The following SLC1A2 variants were observed in gnomAD, a reference collection of about 807,000 sequenced individuals.
SLC1A2 encodes excitatory amino acid transporter 2.
A neutral mutation model predicts 48.8 loss-of-function variants in SLC1A2; 15 were observed. That is an observed-to-expected ratio of 0.31 (90% CI 0.21 to 0.47). The LOEUF is 0.47. Ranked by LOEUF, SLC1A2 falls within the 20% of genes least tolerant of loss-of-function variation. SLC1A2 has a pLI of 0.99. For missense variants in SLC1A2, 502 were observed against 730.5 expected, an observed-to-expected ratio of 0.69 and a Z score of 3.61; for synonymous variants, 279 against 272.6, an observed-to-expected ratio of 1.02 and a Z score of -0.23.
In SLC1A2 at chr11:35,260,813, T is replaced by C; in HGVS notation, c.*81A>G. On this transcript the variant is annotated 3_prime_UTR_variant, in exon 11 of 11. Transcript: ENST00000278379. Reference sequence around the variant, plus strand: ...AGAAATATACGCATTTTTTTCCTTTTTAAAGAAAGCTTGTTTATATCATCA... The same window carrying C: ...AGAAATATACGCATTTTTTTCCTTTCTAAAGAAAGCTTGTTTATATCATCA... 1.9e-6 allele frequency: 2 copies of C among 1,070,602 alleles called. No individual in the cohort carries two copies. The highest frequency in any genetic ancestry group is 1.4e-6 in the Non-Finnish European group (1 of 691,876). 66.3% of individuals were successfully genotyped at this position (1,070,602 alleles called of 1,614,324 possible).
intron 1 of SLC1A2, among the ~76,000 whole-genome samples, chr11:35,328,175 T>A (rs1187970071): frequency 3.3e-5 from 5 of 152,076 alleles, no homozygotes; most frequent in African/African-American, 1.2e-4. Flanking sequence ...AACTGACTCC[T>A]CCCTTCAGGC....
At chr11:35,375,749 G>T (rs1854206029) in intron 1 of SLC1A2, among the ~76,000 whole-genome samples, 1 of 152,174 alleles carries the variant, frequency 6.6e-6, no homozygotes, top group African/African-American at 2.4e-5. Flanking sequence ...GGATGAGGAG[G>T]GCTACAGAGG....
chr11:35,302,315 A>G (rs911802870), intron 5 of SLC1A2, among the ~76,000 whole-genome samples: 1 of 152,182 alleles, frequency 6.6e-6, no homozygotes, highest in African/African-American at 2.4e-5. Flanking sequence ...AATTATTTTC[A>G]TGATTGAAAT....
chr11:35,358,217 T>C (rs1853552945), intron 1 of SLC1A2, among the ~76,000 whole-genome samples: 1 of 152,182 alleles, frequency 6.6e-6, no homozygotes, highest in East Asian at 1.9e-4. Context: ...ATAGTATTGA[T>C]GTATGTTATG....
At chr11:35,367,766 C>A (rs185331936) in intron 1 of SLC1A2, among the ~76,000 whole-genome samples, 1 of 152,160 alleles carries the variant, frequency 6.6e-6, no homozygotes, top group Non-Finnish European at 1.5e-5. Context: ...CCTATGTGAA[C>A]GCCACCTCTA....
intron 1 of SLC1A2, among the ~76,000 whole-genome samples, chr11:35,375,236 G>A (rs1434779612): frequency 6.6e-6 from 1 of 152,152 alleles, no homozygotes; most frequent in Non-Finnish European, 1.5e-5. Context: ...TTATTACTAC[G>A]ATCATCCTCT....
rs981888764 is a variant in SLC1A2 at position 35,308,123 on chromosome 11, C to T, written c.562-1881G>A. Among the ~76,000 whole-genome samples, 9 of 152,184 alleles carry T rather than the reference C, an allele frequency of 5.9e-5. No homozygotes were observed. In the East Asian group the frequency reaches 1.5e-3, roughly 26 times the overall value. On this transcript the variant is annotated intron_variant, in intron 4 of 10. Coordinates refer to ENST00000278379, the MANE Select transcript of SLC1A2 (RefSeq NM_004171.4). ...CTACGTTTGGTTTAAAAGAGAAATA[C>T]TCATGGATCTAAATGAATGGTGGCT...
At chr11:35,342,722 G>C (rs1010095680) in intron 1 of SLC1A2, among the ~76,000 whole-genome samples, 1 of 151,956 alleles carries the variant, frequency 6.6e-6, no homozygotes, top group Admixed American at 6.6e-5. Flanking sequence ...GGAGGTTGAG[G>C]CTGCAGTGAC....
intron 9 of SLC1A2, among the ~76,000 whole-genome samples, chr11:35,270,333 A>C (rs897992456): frequency 3.9e-5 from 6 of 152,166 alleles, no homozygotes; most frequent in Non-Finnish European, 8.8e-5. Flanking sequence ...GGAATAAGAG[A>C]AATACTAGAC....
chr11:35,333,936 C>G (rs138231467), intron 1 of SLC1A2, among the ~76,000 whole-genome samples: 148 of 151,538 alleles, frequency 9.8e-4, no homozygotes, highest in African/African-American at 3.5e-3. Context: ...GCCTTGGCCT[C>G]CAAAAGTGCT....
At chr11:35,282,050 A>G (rs1373303752) in intron 8 of SLC1A2, 4 of 151,638 alleles carry the variant, frequency 2.6e-5, no homozygotes, top group Non-Finnish European at 5.9e-5. Context: ...TTATTGCTGA[A>G]TATACCTAAT....
At chr11:35,409,411 T>C (rs910105764) in intron 1 of SLC1A2, among the ~76,000 whole-genome samples, 2 of 152,206 alleles carry the variant, frequency 1.3e-5, no homozygotes, top group African/African-American at 4.8e-5. Flanking sequence ...TTGTTCCCAA[T>C]ATATTTATTT....
intron 1 of SLC1A2, among the ~76,000 whole-genome samples, chr11:35,390,382 C>T (rs372666844): frequency 5.9e-5 from 9 of 152,278 alleles, no homozygotes; most frequent in African/African-American, 2.2e-4. Flanking sequence ...TATTCTCCTC[C>T]ATTTCATTTT....
At chr11:35,366,312 A>T (rs868571911) in intron 1 of SLC1A2, among the ~76,000 whole-genome samples, 16 of 151,936 alleles carry the variant, frequency 1.1e-4, no homozygotes, top group African/African-American at 3.6e-4. Flanking sequence ...CCTCTAATGC[A>T]CTCCAGCCAA....
chr11:35,275,060 A>C (rs558159015), intron 9 of SLC1A2, among the ~76,000 whole-genome samples: 23 of 152,338 alleles, frequency 1.5e-4, no homozygotes, highest in South Asian at 6.2e-4. Context: ...CTTGCTAGAA[A>C]TGTCAATTCT....
intron 4 of SLC1A2, among the ~76,000 whole-genome samples, chr11:35,308,060 A>C (rs1851567349): frequency 6.6e-6 from 1 of 152,220 alleles, no homozygotes; most frequent in African/African-American, 2.4e-5. Context: ...AGGGAACCAA[A>C]GCCAACTGTC....
intron 1 of SLC1A2, chr11:35,380,406 T>A: frequency 2.5e-6 from 1 of 398,648 alleles, no homozygotes; most frequent in Non-Finnish European, 4.4e-6. Context: ...TCCTTGGGCC[T>A]CTTCATGGAT....
At chr11:35,385,891 G>C (rs868782721) in intron 1 of SLC1A2, among the ~76,000 whole-genome samples, 1 of 152,182 alleles carries the variant, frequency 6.6e-6, no homozygotes, top group African/African-American at 2.4e-5. Context: ...CAGTTGGCCC[G>C]GCGCGGTGGC....
At chr11:35,327,882 C>T (rs1222385218) in intron 1 of SLC1A2, among the ~76,000 whole-genome samples, 4 of 152,144 alleles carry the variant, frequency 2.6e-5, no homozygotes, top group Non-Finnish European at 5.9e-5. Context: ...CTGTGCTGTC[C>T]TTTGCCTTTG....
Sources: gnomAD v4.1 joint callset for allele counts (sites outside exome capture counted in the v4.1 genomes callset) on GRCh38, gnomAD v4.1.1 for gene constraint, MANE v1.5 for transcripts, NCBI Gene and HGNC (gene_info 2026-07-23, HGNC 2026-07-21) for gene names.